The following PPP1R21 variants were observed in gnomAD, a reference collection of about 807,000 sequenced individuals.
PPP1R21 encodes KLRAQ motif containing 1.
In PPP1R21, 85 loss-of-function variants were observed where a neutral mutation model predicts 112.8. The observed-to-expected ratio is 0.75, with a 90% CI of 0.63 to 0.90. The LOEUF (loss-of-function observed/expected upper bound fraction) is 0.90. Ranked by LOEUF, PPP1R21 falls within the 40% of genes least tolerant of loss-of-function variation. PPP1R21 has a pLI of 0.00. For synonymous variants in PPP1R21, 381 were observed against 322.3 expected (o/e 1.18, Z -1.95); for missense variants, 1,199 against 901.5 (o/e 1.33, Z -4.23).
intron 8 of PPP1R21, 40 bp downstream of exon 8, chr2:48,465,029 T>G (rs1188588896): frequency 2.7e-6 from 4 of 1,468,334 alleles, no homozygotes; most frequent in Non-Finnish European, 3.7e-6. Context: ...CAGTTATATA[T>G]ACATCAGACT....
At chr2:48,469,320 C>T (rs139027324) in intron 9 of PPP1R21, among the ~76,000 whole-genome samples, 1,403 of 19,258 alleles carry the variant, frequency 0.073, 198 homozygotes, top group African/African-American at 0.14. Context: ...CACACACACA[C>T]ATATATATAT....
At chr2:48,507,623 T>C (rs1434237097) in intron 19 of PPP1R21, among the ~76,000 whole-genome samples, 2 of 151,922 alleles carry the variant, frequency 1.3e-5, no homozygotes, top group African/African-American at 4.8e-5. Flanking sequence ...GGCCTCGACC[T>C]CCCAAAGTGC....
intron 1 of PPP1R21, among the ~76,000 whole-genome samples, chr2:48,446,434 T>C (rs957999757): frequency 6.6e-6 from 1 of 152,138 alleles, no homozygotes; most frequent in Non-Finnish European, 1.5e-5. Context: ...AGAGTTAGGC[T>C]CAAGGCTTTT....
Position 48,486,691 on chromosome 2 carries a change from A to G in PPP1R21, c.1379A>G (p.Gln460Arg). Residue 460 changes from glutamine to arginine, a missense_variant, in exon 14 of 22, where the codon CAG becomes CGG. Physicochemically the swap from Gln to Arg is conservative, Grantham distance 43 (BLOSUM62 1). Transcript: ENST00000294952. ...AIEHELPTAT[Q>R]KLITTNDCIL... ...GAGCATGAACTTCCAACAGCAACAC[A>G]GAAGCTGATAACAACTAATGACTGT... is the stretch of plus-strand genomic sequence containing the variant. 6.2e-7 allele frequency: 1 copy of G among 1,613,930 alleles called. No homozygotes were observed. The highest frequency in any genetic ancestry group is 8.5e-7 in the Non-Finnish European group (1 of 1,179,794).
chr2:48,466,081 C>T (rs920038859), intron 9 of PPP1R21, among the ~76,000 whole-genome samples: 2 of 152,182 alleles, frequency 1.3e-5, no homozygotes, highest in Admixed American at 1.3e-4. Flanking sequence ...ATTGTGAGAA[C>T]AGCACGGGAA....
chr2:48,475,793 G>A (rs1265601517), intron 12 of PPP1R21, among the ~76,000 whole-genome samples: 2 of 152,106 alleles, frequency 1.3e-5, no homozygotes, highest in East Asian at 3.9e-4. Context: ...GATGCAGTGA[G>A]CTGAGATCGT....
At chr2:48,486,064 T>C (rs1572873172) in intron 13 of PPP1R21, among the ~76,000 whole-genome samples, 1 of 151,308 alleles carries the variant, frequency 6.6e-6, no homozygotes, top group East Asian at 1.9e-4. Context: ...CACAGGCCTT[T>C]ATTGTACTAT....
intron 17 of PPP1R21, among the ~76,000 whole-genome samples, chr2:48,504,897 A>G (rs1670304789): frequency 6.6e-6 from 1 of 152,140 alleles, no homozygotes; most frequent in Non-Finnish European, 1.5e-5. Context: ...AGGAGGCTGG[A>G]GACGGAGGAT....
At chr2:48,485,888 C>CTAATATATACAATTGTATATAT (rs1669265291) in intron 13 of PPP1R21, among the ~76,000 whole-genome samples, 1 of 1,434 alleles carries the variant, frequency 7.0e-4, no homozygotes, top group Non-Finnish European at 4.1e-3. Flanking sequence ...ATTGTATATA[C>CTAATATATACAATTGTATATAT]TAACTAATAT....
intron 13 of PPP1R21, among the ~76,000 whole-genome samples, chr2:48,481,019 C>T (rs1050493556): frequency 5.3e-5 from 8 of 152,252 alleles, no homozygotes; most frequent in Middle Eastern, 3.4e-3. Flanking sequence ...GGTTCAGTTT[C>T]GCTTTATTGC....
chr2:48,473,909 C>T (rs1668630264), intron 11 of PPP1R21, among the ~76,000 whole-genome samples: 1 of 152,038 alleles, frequency 6.6e-6, no homozygotes, highest in African/African-American at 2.4e-5. Flanking sequence ...AAATTTGAGC[C>T]TCTAGATTGT....
intron 16 of PPP1R21, among the ~76,000 whole-genome samples, chr2:48,498,093 T>C (rs570927962): frequency 9.8e-4 from 149 of 152,178 alleles, no homozygotes; most frequent in Non-Finnish European, 1.9e-3. Context: ...GTTTATAGTC[T>C]TGTTCAAGTT....
At position 48,465,523 on chromosome 2, in the gene PPP1R21, C is replaced by T. The variant is rs988519072; in HGVS notation, c.778C>T (p.Leu260=). 1 of 1,613,384 alleles carries T rather than the reference C, an allele frequency of 6.2e-7. No individual in the cohort carries two copies. The highest frequency in any genetic ancestry group is 1.3e-5 in the African/African-American group (1 of 74,880). ...LKMRDIAGQA[L]AFVQDLVTAL... ...GATGCGAGATATTGCTGGGCAGGCC[C>T]TGGCTTTTGTTCAGGATCTTGTGAC... The change falls in exon 9 of 22, where the codon CTG becomes TTG. Residue 260 remains leucine (L), a synonymous_variant. Transcript: ENST00000294952.
At chr2:48,471,501 G>T in intron 11 of PPP1R21, 134 bp downstream of exon 11, 3 of 852,558 alleles carry the variant, frequency 3.5e-6, no homozygotes, top group Non-Finnish European at 5.3e-6. Flanking sequence ...TTGGACTTCC[G>T]TGAAAAAGGA....
At chr2:48,489,042 T>G (rs1481471923) in intron 14 of PPP1R21, among the ~76,000 whole-genome samples, 2 of 152,230 alleles carry the variant, frequency 1.3e-5, no homozygotes, top group African/African-American at 4.8e-5. Context: ...GAATTTCATT[T>G]GATATAGTAA....
intron 16 of PPP1R21, among the ~76,000 whole-genome samples, chr2:48,496,459 T>C (rs544074607): frequency 2.0e-5 from 2 of 99,906 alleles, no homozygotes; most frequent in African/African-American, 3.8e-5. Flanking sequence ...ACAGGGCTTA[T>C]TGGGTTTTGG....
intron 17 of PPP1R21, among the ~76,000 whole-genome samples, chr2:48,505,117 G>A (rs562744613): frequency 6.6e-6 from 1 of 152,236 alleles, no homozygotes; most frequent in Non-Finnish European, 1.5e-5. Flanking sequence ...TATATCAAAA[G>A]TATATTCTCC....
intron 21 of PPP1R21, among the ~76,000 whole-genome samples, chr2:48,513,414 T>C (rs1670727794): frequency 6.6e-6 from 1 of 151,788 alleles, no homozygotes; most frequent in Non-Finnish European, 1.5e-5. Flanking sequence ...TTCACCATGT[T>C]GCTCAGGCTG....
At position 48,440,863 on chromosome 2, in the gene PPP1R21, C is replaced by A; in HGVS notation, c.-91C>A. 1 of 929,652 alleles carries A rather than the reference C, an allele frequency of 1.1e-6. No homozygotes were observed. The highest frequency in any genetic ancestry group is 1.7e-6 in the Non-Finnish European group (1 of 600,262). The allele number at this position is 929,652 out of a possible 1,614,324, so 57.6% of individuals were successfully genotyped here. ...CGGTGGCCAAGCAGGCAGATACTGC[C>A]TGACCCGTTCCCGGGAGCGTGTCTG... is the stretch of plus-strand genomic sequence containing the variant. On this transcript the variant is annotated 5_prime_UTR_variant, in exon 1 of 22. The change creates a new upstream start codon in the 5' untranslated region. Coordinates refer to ENST00000294952, the MANE Select transcript of PPP1R21 (RefSeq NM_001135629.3).
Sources: allele counts gnomAD v4.1 joint callset (sites outside exome capture counted in the v4.1 genomes callset), GRCh38; gene constraint gnomAD v4.1.1; transcripts MANE v1.5; gene names NCBI Gene and HGNC (gene_info 2026-07-23, HGNC 2026-07-21).